VPS41: variants seen among roughly 807,000 people sequenced by gnomAD.
VPS41 encodes the protein vacuolar protein sorting-associated protein 41 homolog.
VPS41 carries 85 observed loss-of-function variants against 130.9 expected under a neutral mutation model. The observed-to-expected ratio is 0.65, with a 90% confidence interval of 0.55 to 0.78. The LOEUF (loss-of-function observed/expected upper bound fraction) is 0.78. Among genes scored for constraint, VPS41 ranks in the 30% least tolerant of loss-of-function variants. The pLI, the probability that VPS41 is intolerant of heterozygous loss-of-function variation, is 0.00. For missense variants in VPS41, 874 were observed against 1,018.7 expected, an observed-to-expected ratio of 0.86 and a Z score of 1.93; for synonymous variants, 335 against 332.9, an observed-to-expected ratio of 1.01 and a Z score of -0.07.
intron 1 of VPS41, among the ~76,000 whole-genome samples, chr7:38,904,147 A>G (rs569086743): frequency 1.3e-5 from 2 of 152,302 alleles, no homozygotes; most frequent in South Asian, 4.1e-4. Flanking sequence ...TCAAGAAGAA[A>G]CAAAGGCAAC....
intron 16 of VPS41, among the ~76,000 whole-genome samples, chr7:38,764,832 C>T (rs552161266): frequency 8.8e-4 from 133 of 151,860 alleles, no homozygotes; most frequent in African/African-American, 3.2e-3. Context: ...CAAGGAGAAA[C>T]GGCCATCACA....
At chr7:38,738,532 A>G (rs1009923811) in intron 25 of VPS41, among the ~76,000 whole-genome samples, 4 of 152,256 alleles carry the variant, frequency 2.6e-5, no homozygotes, top group African/African-American at 7.2e-5. Flanking sequence ...AAATGGACAT[A>G]AACGCTCAAC....
intron 7 of VPS41, among the ~76,000 whole-genome samples, chr7:38,801,989 T>C (rs1035027752): frequency 5.3e-5 from 8 of 152,210 alleles, no homozygotes; most frequent in African/African-American, 1.4e-4. Context: ...CAATGACTAA[T>C]TCACACAATC....
At position 38,859,796 on chromosome 7, in the gene VPS41, G is replaced by A. The variant is rs558257150; in HGVS notation, c.246+2749C>T. On this transcript the variant is annotated intron_variant, in intron 4 of 28. Transcript: ENST00000310301. ...ATGTGGTTATATGGGCATAAATATC[G>A]TGGGAATTTAAAAGGAATCTAAGAT... Among the ~76,000 whole-genome samples the A allele has an allele frequency of 2.5e-4, 38 of 152,232 alleles. No homozygotes were observed. In the South Asian group the frequency reaches 6.6e-3, roughly 27 times the overall value.
At chr7:38,824,891 A>G (rs1295789401) in intron 5 of VPS41, among the ~76,000 whole-genome samples, 4 of 152,272 alleles carry the variant, frequency 2.6e-5, no homozygotes, top group African/African-American at 9.6e-5. Context: ...AGCCTGTAGA[A>G]AAAGACTGAC....
intron 10 of VPS41, among the ~76,000 whole-genome samples, chr7:38,783,066 T>G (rs1784382065): frequency 6.6e-6 from 1 of 151,064 alleles, no homozygotes; most frequent in African/African-American, 2.4e-5. Context: ...AGGCAGAGGC[T>G]GTAGTAAGCT....
chr7:38,883,619 T>C (rs1786659006), intron 2 of VPS41, among the ~76,000 whole-genome samples: 1 of 151,908 alleles, frequency 6.6e-6, no homozygotes, highest in South Asian at 2.1e-4. Context: ...TATCCTAGCA[T>C]CTAGGATATA....
chr7:38,827,441 T>C (rs1217691643), intron 5 of VPS41, among the ~76,000 whole-genome samples: 2 of 152,200 alleles, frequency 1.3e-5, no homozygotes, highest in Non-Finnish European at 2.9e-5. Flanking sequence ...TGCTTAATCA[T>C]TCACCCTCTT....
chr7:38,901,257 T>C (rs1269935781), intron 1 of VPS41, among the ~76,000 whole-genome samples: 1 of 152,214 alleles, frequency 6.6e-6, no homozygotes, highest in African/African-American at 2.4e-5. Context: ...TTTGTGATGA[T>C]TAAAAGTTCT....
chr7:38,857,743 C>A (rs547617327), intron 4 of VPS41, among the ~76,000 whole-genome samples: 3 of 152,258 alleles, frequency 2.0e-5, no homozygotes, highest in Admixed American at 2.0e-4. Flanking sequence ...AGGACCATGA[C>A]CCATGACAAA....
chr7:38,819,501 A>G (rs1325210723), intron 6 of VPS41, among the ~76,000 whole-genome samples: 1 of 151,970 alleles, frequency 6.6e-6, no homozygotes, highest in Non-Finnish European at 1.5e-5. Flanking sequence ...GATTGTTTCT[A>G]CTTCCTCATC....
Position 38,771,249 on chromosome 7 carries a change from T to C in VPS41, c.1134A>G (p.Ala378=), listed in dbSNP as rs113742335. Residue 378 remains alanine (A), a synonymous_variant, in exon 14 of 29, where the codon GCA becomes GCG. Transcript: ENST00000310301. ...TTTGGCTAATTTCAGCTGCCATCAA[T>C]GCTTCCTTTATTCCAAACATAAGGA... ...WLLEKKKYEE[A]LMAAEISQKN... 3 of 1,596,564 alleles carry C rather than the reference T, an allele frequency of 1.9e-6. No homozygotes were observed. The highest frequency in any genetic ancestry group is 2.6e-6 in the Non-Finnish European group (3 of 1,173,608).
chr7:38,876,811 T>C (rs1786502324), intron 2 of VPS41, among the ~76,000 whole-genome samples: 1 of 152,154 alleles, frequency 6.6e-6, no homozygotes, highest in South Asian at 2.1e-4. Context: ...AATTTCATGT[T>C]CAATTCAAGG....
chr7:38,798,059 G>C (rs1784654740), intron 7 of VPS41, among the ~76,000 whole-genome samples: 1 of 152,036 alleles, frequency 6.6e-6, no homozygotes, highest in African/African-American at 2.4e-5. Flanking sequence ...AACCCACCCT[G>C]TCCTCTCCTA....
chr7:38,862,482 T>C, intron 4 of VPS41, 63 bp downstream of exon 4: 1 of 1,065,072 alleles, frequency 9.4e-7, no homozygotes, highest in Non-Finnish European at 1.4e-6. Context: ...TAAACCAATA[T>C]TCTAAAACAC....
At position 38,853,194 on chromosome 7, in the gene VPS41, C is replaced by G. The variant is rs192133647; in HGVS notation, c.246+9351G>C. 2.7e-3 allele frequency among the ~76,000 whole-genome samples: 418 copies of G among 152,118 alleles called. 1 individual carries two copies. The highest frequency in any genetic ancestry group is 8.5e-3 in the African/African-American group (354 of 41,514). On this transcript the variant is annotated intron_variant, in intron 4 of 28. Transcript: ENST00000310301. Reference sequence around the variant, plus strand: ...CAGCACTTTGGGAAGCCGAGGTGGGCGGATCACAAGATCAGGAGATCAAGA... The same window carrying G: ...CAGCACTTTGGGAAGCCGAGGTGGGGGGATCACAAGATCAGGAGATCAAGA...
intron 4 of VPS41, among the ~76,000 whole-genome samples, chr7:38,858,444 T>C (rs1786031469): frequency 6.6e-6 from 1 of 152,186 alleles, no homozygotes; most frequent in South Asian, 2.1e-4. Context: ...ATGAGGCATG[T>C]CTGACTCCCC....
intron 15 of VPS41, among the ~76,000 whole-genome samples, chr7:38,766,489 T>C (rs890910357): frequency 1.3e-5 from 2 of 152,090 alleles, no homozygotes; most frequent in Non-Finnish European, 2.9e-5. Context: ...ACGACACAAA[T>C]AGTGTCTCCC....
At chr7:38,820,970 A>T (rs756274879) in intron 6 of VPS41, among the ~76,000 whole-genome samples, 26 of 151,404 alleles carry the variant, frequency 1.7e-4, no homozygotes, top group Non-Finnish European at 3.4e-4. Flanking sequence ...TGTGTGTGTG[A>T]GTGATCTCAC....
Sources: allele counts gnomAD v4.1 joint callset (sites outside exome capture counted in the v4.1 genomes callset), GRCh38; gene constraint gnomAD v4.1.1; transcripts MANE v1.5; gene names NCBI Gene and HGNC (gene_info 2026-07-23, HGNC 2026-07-21).